The following KRT76 variants were observed in gnomAD, a reference collection of about 807,000 sequenced individuals.
KRT76 encodes keratin 76.
Under a neutral mutation model 44.9 loss-of-function variants are expected in KRT76, and 47 were observed. That is an observed-to-expected ratio of 1.05 (90% CI 0.83 to 1.33). The LOEUF is 1.33. Among genes scored for constraint, KRT76 ranks in the 40% most tolerant of loss-of-function variants. The pLI, the probability that KRT76 is intolerant of heterozygous loss-of-function variation, is 0.00. For synonymous variants in KRT76, 331 were observed against 294.1 expected (o/e 1.13, Z -1.28); for missense variants, 860 against 775.8 (o/e 1.11, Z -1.29).
At chr12:52,776,335 A>G (rs1320987031) in intron 1 of KRT76, among the ~76,000 whole-genome samples, 2 of 152,364 alleles carry the variant, frequency 1.3e-5, no homozygotes, top group East Asian at 3.9e-4. Flanking sequence ...ATTACCAGCT[A>G]CTTTGGATTA....
At chr12:52,774,457 G>T (rs989058216) in intron 2 of KRT76, among the ~76,000 whole-genome samples, 2 of 152,204 alleles carry the variant, frequency 1.3e-5, no homozygotes, top group Non-Finnish European at 2.9e-5. Flanking sequence ...TTTCAGTTAA[G>T]AAAGAATTCA....
At chr12:52,769,321 C>G (rs183373906) in intron 8 of KRT76, among the ~76,000 whole-genome samples, 2 of 152,334 alleles carry the variant, frequency 1.3e-5, no homozygotes, top group East Asian at 3.9e-4. Context: ...TTCTGGTTTT[C>G]CAACCTAGGC....
chr12:52,768,791 G>A lies in KRT76; in HGVS notation c.1839C>T (p.Tyr613=), dbSNP rs761612090. The change falls in exon 9 of 9, where the codon TAC becomes TAT. Residue 613 remains tyrosine, a synonymous_variant. Coordinates refer to ENST00000332411, the MANE Select transcript of KRT76 (RefSeq NM_015848.4). Reference sequence around the variant, plus strand: ...TGGTGCTGCCTCCACCACCAGACTTGTAGCCACTTCCTCCAGAAGTCTGGA... The same window carrying A: ...TGGTGCTGCCTCCACCACCAGACTTATAGCCACTTCCTCCAGAAGTCTGGA... ...GSIQTSGGSG[Y]KSGGGGSTSI... 6.2e-7 allele frequency: 1 copy of A among 1,612,524 alleles called. No homozygotes were observed.
rs1268480384 is a variant in KRT76, at chr12:52,769,110, G to A, written c.1520C>T (p.Ser507Leu). ...TGTGCTGGTGACATTGCTGACCACTGCTACAAGACAACAGGCACACAATTC... is the reference window on the plus strand; with the variant it reads ...TGTGCTGGTGACATTGCTGACCACTACTACAAGACAACAGGCACACAATTC... ...SGECQSAVCI[S>L]VVSNVTSTSG... Residue 507 changes from serine to leucine, a missense_variant and splice_region_variant, in exon 9 of 9, where the codon TCA becomes TTA. By Grantham distance (145) the Ser-to-Leu change is moderately radical. Coordinates refer to ENST00000332411, the MANE Select transcript of KRT76 (RefSeq NM_015848.4). The A allele has an allele frequency of 1.4e-6, 1 of 699,630 alleles. No individual in the cohort carries two copies. Among genetic ancestry groups the A allele is most frequent in the East Asian group, 2.7e-5 (1 of 36,890 alleles). The allele number at this position is 699,630 out of a possible 1,614,324, so 43.3% of individuals were successfully genotyped here.
At chr12:52,771,485 CT>C (rs1939180946) in intron 6 of KRT76, among the ~76,000 whole-genome samples, 1 of 152,122 alleles carries the variant, frequency 6.6e-6, no homozygotes, top group African/African-American at 2.4e-5. Flanking sequence ...AGTCCCTAAT[CT>C]TTTTTGCAAG....
chr12:52,773,675 G>C (rs145112818), intron 2 of KRT76, 33 bp from the exon 3 acceptor site: 94 of 1,581,460 alleles, frequency 5.9e-5, no homozygotes, highest in Non-Finnish European at 7.1e-5. Flanking sequence ...TTTGAACACT[G>C]GCATTTCAGA....
rs764918336 is a variant in KRT76, at chr12:52,772,110, G to T, written c.1121C>A (p.Ala374Asp). ...GGTTCCCACCTTGGTCTGGTACAGG[G>T]CCTCAGCTTCAGACTTGCTCCTCTG... Reference protein sequence around the residue: ...IAQRSKSEAEALYQTKLGELQ... With the variant: ...IAQRSKSEAEDLYQTKLGELQ... The change falls in exon 5 of 9, where the codon GCC (alanine) becomes GAC (aspartate). Residue 374 changes from alanine (A) to aspartate (D), a missense_variant. Transcript: ENST00000332411. 6.2e-7 allele frequency: 1 copy of T among 1,611,270 alleles called. No individual in the cohort carries two copies. Among genetic ancestry groups the T allele is most frequent in the South Asian group, 1.1e-5 (1 of 90,358 alleles).
Position 52,777,337 on chromosome 12 carries a change from G to C in KRT76, c.-46C>G. 6.2e-7 allele frequency: 1 copy of C among 1,610,122 alleles called. No homozygotes were observed. Among genetic ancestry groups the C allele is most frequent in the Non-Finnish European group, 8.5e-7 (1 of 1,178,242 alleles). ...AGCTAGTGATCACTTAGCAAGAGCT[G>C]AGAGGGATAGGGACAAGAGAGGAGA... On this transcript the variant is annotated 5_prime_UTR_variant, in exon 1 of 9. Transcript: ENST00000332411.
At chr12:52,769,632 C>A (rs917581183) in intron 7 of KRT76, 49 bp from the exon 8 acceptor site, 6 of 1,557,808 alleles carry the variant, frequency 3.9e-6, no homozygotes, top group South Asian at 2.2e-5. Flanking sequence ...AGTCAATAAC[C>A]AAAGAGTTGA....
At chr12:52,773,447 C>T (rs1939215146) in intron 3 of KRT76, 135 bp downstream of exon 3, 1 of 574,260 alleles carries the variant, frequency 1.7e-6, no homozygotes. Flanking sequence ...ATTTCATTTC[C>T]AAAAATGTAA....
chr12:52,771,818 T>A (rs1020239086), intron 6 of KRT76, 53 bp downstream of exon 6: 10 of 1,578,600 alleles, frequency 6.3e-6, no homozygotes, highest in Non-Finnish European at 8.6e-6. Flanking sequence ...TTATGCTGCT[T>A]CTCTCCGGGG....
chr12:52,773,569 C>T lies in KRT76; in HGVS notation c.876+13G>A. Reference sequence around the variant, plus strand: ...GAAAGGAAACCTGGATATGCTGGTCCAGGCTCACCTACCTTCTTGAGCCCC... The same window carrying T: ...GAAAGGAAACCTGGATATGCTGGTCTAGGCTCACCTACCTTCTTGAGCCCC... On this transcript the variant is annotated intron_variant, in intron 3 of 8. Coordinates refer to ENST00000332411, the MANE Select transcript of KRT76 (RefSeq NM_015848.4). The T allele has an allele frequency of 1.9e-6, 3 of 1,606,984 alleles. No homozygotes were observed. The highest frequency in any genetic ancestry group is 1.7e-4 in the Middle Eastern group (1 of 6,034).
chr12:52,774,629 T>A (rs1236936760), intron 2 of KRT76, among the ~76,000 whole-genome samples: 1 of 152,194 alleles, frequency 6.6e-6, no homozygotes, highest in Non-Finnish European at 1.5e-5. Flanking sequence ...AAAAGAGGTC[T>A]CTGGGATCTC....
At position 52,768,982 on chromosome 12, in the gene KRT76, C is replaced by A; in HGVS notation, c.1648G>T (p.Gly550Ter). Residue 550 changes from glycine to a stop codon, truncating the protein, a stop_gained, in exon 9 of 9, where the codon GGA (glycine) becomes TGA (stop). Transcript: ENST00000332411. LOFTEE classifies it low-confidence loss of function (END_TRUNC). ...GSSSSSSSGY[G>*]VSGGSGSGYG... ...CCACTGCCGCTGCCGCCACTGACTC[C>A]ATAGCCACTGCTGCTGCTGCTGCTG... 1 of 1,110,146 alleles carries A rather than the reference C, an allele frequency of 9.0e-7. No homozygotes were observed. The highest frequency in any genetic ancestry group is 2.5e-5 in the East Asian group (1 of 39,330). 68.8% of individuals were successfully genotyped at this position (1,110,146 alleles called of 1,614,324 possible). A position where few individuals can be genotyped will look rare whatever the true frequency, so the allele number is the denominator to read the frequency against.
chr12:52,768,750 T>G lies in KRT76; in HGVS notation c.1880A>C (p.Gln627Pro), dbSNP rs781130914. The G allele has an allele frequency of 6.2e-7, 1 of 1,607,278 alleles. No individual in the cohort carries two copies. The highest frequency in any genetic ancestry group is 8.5e-7 in the Non-Finnish European group (1 of 1,174,512). ...GCTATGCTGGCTTGAGCTCGTGGTC[T>G]GGGAGAAGCGGATACTGGTGCTGCC... ...GGGSTSIRFS[Q>P]TTSSSQHSST... The change falls in exon 9 of 9, where the codon CAG (glutamine) becomes CCG (proline). Residue 627 changes from glutamine to proline, a missense_variant. Gln to Pro is a moderately conservative substitution (Grantham distance 76, BLOSUM62 -1). Coordinates refer to ENST00000332411, the MANE Select transcript of KRT76 (RefSeq NM_015848.4).
At position 52,770,973 on chromosome 12, in the gene KRT76, A is replaced by T. The variant is rs548325176; in HGVS notation, c.1484+26T>A. ...AAGGTCACTCTAAAACCATATCTGG[A>T]GAATGGTGATCCCATGGCCCCTCAC... On this transcript the variant is annotated intron_variant, in intron 7 of 8. Transcript: ENST00000332411. 6.8e-6 allele frequency: 11 copies of T among 1,613,500 alleles called. No individual in the cohort carries two copies. The Admixed American group carries it at 1.2e-4, about 17-fold the overall frequency.
At position 52,773,639 on chromosome 12, in the gene KRT76, A is replaced by T. The variant is rs766530135; in HGVS notation, c.819T>A (p.Tyr273Ter). The T allele has an allele frequency of 1.2e-6, 2 of 1,612,842 alleles. No individual in the cohort carries two copies. The highest frequency in any genetic ancestry group is 4.5e-5 in the East Asian group (2 of 44,872). The part of the protein sequence containing the change: ...QDLVEDFKKK[Y>*]EDEINKRTAA... Reference sequence around the variant, plus strand: ...CAGTGCGTTTGTTGATTTCATCTTCATACCTGGAACAAGAAGAGGCACACA... The same window carrying T: ...CAGTGCGTTTGTTGATTTCATCTTCTTACCTGGAACAAGAAGAGGCACACA... The change falls in exon 3 of 9, where the codon TAT becomes TAA. Residue 273 changes from tyrosine (Y) to a stop codon, truncating the protein, a stop_gained. Transcript: ENST00000332411. LOFTEE classifies it high-confidence loss of function.
Position 52,776,844 on chromosome 12 carries a change from C to G in KRT76, c.448G>C (p.Gly150Arg), listed in dbSNP as rs1208875018. Residue 150 changes from glycine to arginine, a missense_variant, in exon 1 of 9, where the codon GGC becomes CGC. Gly to Arg is a moderately radical substitution (Grantham distance 125). Coordinates refer to ENST00000332411, the MANE Select transcript of KRT76 (RefSeq NM_015848.4). ...ACTTCCTGAATTCCCCCAGGAAAGC[C>G]CCCAGGGCCAAAGCCACCAGGACCA... ...FGGPGGFGPG[G>R]FPGGIQEVIV... The G allele has an allele frequency of 6.2e-7, 1 of 1,613,852 alleles. No homozygotes were observed. The highest frequency in any genetic ancestry group is 2.2e-5 in the East Asian group (1 of 44,878).
intron 1 of KRT76, 71 bp downstream of exon 1, chr12:52,776,621 C>T (rs1393512413): frequency 2.7e-5 from 43 of 1,610,528 alleles, no homozygotes; most frequent in Non-Finnish European, 3.6e-5. Flanking sequence ...TCACAAGTCC[C>T]CATGGCATCT....
Sources: allele counts gnomAD v4.1 joint callset (sites outside exome capture counted in the v4.1 genomes callset), GRCh38; gene constraint gnomAD v4.1.1; transcripts MANE v1.5; gene names NCBI Gene and HGNC (gene_info 2026-07-23, HGNC 2026-07-21).